The following SORT1 variants were observed in gnomAD, a reference collection of about 807,000 sequenced individuals.
The protein encoded by SORT1 is sortilin.
SORT1 carries 39 observed loss-of-function variants against 101.7 expected under a neutral mutation model. The observed-to-expected ratio is 0.38, with a 90% CI of 0.30 to 0.50. SORT1 has a LOEUF of 0.50. Ranked by LOEUF, SORT1 falls within the 20% of genes least tolerant of loss-of-function variation. The probability of loss-of-function intolerance (pLI) is 0.90; values close to 1 mark genes in which losing one functional copy is unlikely to be tolerated. For missense variants in SORT1, 878 were observed against 1,040.4 expected (o/e 0.84, Z 2.15); for synonymous variants, 396 against 393.7 (o/e 1.01, Z -0.07).
At chr1:109,382,205 A>G (rs1652290244) in intron 1 of SORT1, among the ~76,000 whole-genome samples, 1 of 152,104 alleles carries the variant, frequency 6.6e-6, no homozygotes, top group African/African-American at 2.4e-5. Context: ...GCATGATCTC[A>G]GCTCACTGCA....
intron 9 of SORT1, among the ~76,000 whole-genome samples, chr1:109,341,663 T>G (rs1174576646): frequency 6.6e-6 from 1 of 152,094 alleles, no homozygotes; most frequent in East Asian, 1.9e-4. Flanking sequence ...ACCCCTAATT[T>G]TTTGTCATTA....
intron 1 of SORT1, chr1:109,397,308 A>G (rs1653242662): frequency 6.5e-6 from 1 of 154,548 alleles, no homozygotes. Flanking sequence ...TTATTTATAC[A>G]GACGAAAAAC....
chr1:109,395,370 G>A (rs1408440939), intron 1 of SORT1, among the ~76,000 whole-genome samples: 1 of 151,726 alleles, frequency 6.6e-6, no homozygotes, highest in Non-Finnish European at 1.5e-5. Flanking sequence ...ACAGGCGCAT[G>A]CCACCGCGTC....
chr1:109,341,458 T>C (rs1333181173), intron 9 of SORT1, among the ~76,000 whole-genome samples: 2 of 152,094 alleles, frequency 1.3e-5, no homozygotes, highest in Admixed American at 1.3e-4. Context: ...GCCATTCTCC[T>C]GCCTCAGCCT....
rs1166570516 is a variant in SORT1, at chr1:109,326,428, A to AATATATATATAT, written c.1643+552_1643+563dup. Among the ~76,000 whole-genome samples, 119 of 70,874 alleles carry AATATATATATAT rather than the reference A, an allele frequency of 1.7e-3. 1 individual carries two copies. The highest frequency in any genetic ancestry group is 6.0e-3 in the African/African-American group (102 of 17,030). 46.5% of individuals were successfully genotyped at this position (70,874 alleles called of 152,430 possible). A position where few individuals can be genotyped will look rare whatever the true frequency, so the allele number is the denominator to read the frequency against. On this transcript the variant is annotated intron_variant, in intron 13 of 19. Coordinates refer to ENST00000256637, the MANE Select transcript of SORT1 (RefSeq NM_002959.7). ...CCATAATAATTTTGTAGACAGAAAG[A>AATATATATATAT]ATATATATATATATATATATATATA... is the stretch of plus-strand genomic sequence containing the variant.
rs577892807 is a variant in SORT1, at chr1:109,350,877, G to T, written c.782+52C>A. 3 of 1,166,294 alleles carry T rather than the reference G, an allele frequency of 2.6e-6. No homozygotes were observed. The South Asian group carries it at 3.7e-5, about 14-fold the overall frequency. 72.2% of individuals were successfully genotyped at this position (1,166,294 alleles called of 1,614,324 possible). A position where few individuals can be genotyped will look rare whatever the true frequency, so the allele number is the denominator to read the frequency against. On this transcript the variant is annotated intron_variant, in intron 6 of 19. Coordinates refer to ENST00000256637, the MANE Select transcript of SORT1 (RefSeq NM_002959.7). ...ATTTATTCATGTGATTTTTGGCAGC[G>T]CTATCAGGAAGGGTTTAGGGCTCTG...
At chr1:109,377,974 G>A (rs751204112) in intron 1 of SORT1, among the ~76,000 whole-genome samples, 1 of 152,170 alleles carries the variant, frequency 6.6e-6, no homozygotes, top group Non-Finnish European at 1.5e-5. Context: ...GTTCATGCCT[G>A]TAATCCCAGC....
chr1:109,372,898 C>CAAA (rs34712891), intron 1 of SORT1, among the ~76,000 whole-genome samples: 2 of 98,328 alleles, frequency 2.0e-5, no homozygotes, highest in African/African-American at 3.7e-5. Flanking sequence ...GGCTCCGTCT[C>CAAA]AAAAAAAAAA....
intron 1 of SORT1, among the ~76,000 whole-genome samples, chr1:109,375,058 T>TA (rs1651738782): frequency 6.6e-6 from 1 of 152,126 alleles, no homozygotes. Context: ...CAACAGAAAC[T>TA]ATCCAAAGTG....
chr1:109,395,839 C>T (rs1196218859), intron 1 of SORT1, among the ~76,000 whole-genome samples: 5 of 152,074 alleles, frequency 3.3e-5, no homozygotes, highest in Non-Finnish European at 7.4e-5. Context: ...CTGTGGCAGG[C>T]TAAGGTGGGT....
intron 17 of SORT1, among the ~76,000 whole-genome samples, 164 bp downstream of exon 17, chr1:109,316,686 T>C (rs758993984): frequency 1.3e-5 from 2 of 152,266 alleles, no homozygotes; most frequent in Admixed American, 1.3e-4. Flanking sequence ...CTGGGTTACA[T>C]GACCCATCCT....
chr1:109,333,582 G>C (rs1648600990), intron 11 of SORT1, among the ~76,000 whole-genome samples: 1 of 151,942 alleles, frequency 6.6e-6, no homozygotes, highest in African/African-American at 2.4e-5. Context: ...CTAAAAAATG[G>C]GCAAAGGACC....
At chr1:109,370,264 G>T (rs1651405439) in intron 1 of SORT1, among the ~76,000 whole-genome samples, 2 of 151,956 alleles carry the variant, frequency 1.3e-5, no homozygotes, top group African/African-American at 2.4e-5. Context: ...CATTGTAGGT[G>T]GTTTTGGGTT....
intron 1 of SORT1, among the ~76,000 whole-genome samples, chr1:109,376,515 T>C (rs1054992310): frequency 3.2e-4 from 44 of 139,382 alleles, no homozygotes; most frequent in African/African-American, 9.9e-4. Flanking sequence ...CAGCAGTGGA[T>C]TGGATAAAGA....
intron 3 of SORT1, among the ~76,000 whole-genome samples, chr1:109,364,314 G>A (rs752215338): frequency 8.1e-4 from 123 of 152,142 alleles, no homozygotes; most frequent in Admixed American, 1.9e-3. Flanking sequence ...TTAAGTTGTT[G>A]AGGCATTAGG....
intron 4 of SORT1, 101 bp from the exon 5 acceptor site, chr1:109,354,632 G>A (rs1650188553): frequency 3.5e-6 from 3 of 863,418 alleles, no homozygotes; most frequent in South Asian, 1.8e-5. Context: ...AGAAATTTTA[G>A]TTCTAGAAAT....
chr1:109,342,021 T>C lies in SORT1; in HGVS notation c.1101A>G (p.Glu367=). The C allele has an allele frequency of 6.2e-7, 1 of 1,613,592 alleles. No homozygotes were observed. Among genetic ancestry groups the C allele is most frequent in the Non-Finnish European group, 8.5e-7 (1 of 1,179,868 alleles). Residue 367 remains glutamate (E), a synonymous_variant, in exon 9 of 20, where the codon GAA becomes GAG. Coordinates refer to ENST00000256637, the MANE Select transcript of SORT1 (RefSeq NM_002959.7). ...NDDMVFMHVD[E]PGDTGFGTIF... ...CCACTAAAAAGCTCTTACCTCCAGG[T>C]TCATCTACATGCATGAATACCATGT...
At chr1:109,334,221 T>C (rs991224940) in intron 11 of SORT1, among the ~76,000 whole-genome samples, 1 of 152,090 alleles carries the variant, frequency 6.6e-6, no homozygotes, top group African/African-American at 2.4e-5. Flanking sequence ...TCAAGAGAAA[T>C]GAAATCGGTA....
In SORT1 at chr1:109,311,738, G is replaced by C. The variant is rs1658741221; in HGVS notation, c.*2305C>G. The C allele has an allele frequency of 6.6e-6, 1 of 152,258 alleles. No homozygotes were observed. Among genetic ancestry groups the C allele is most frequent in the Admixed American group, 6.5e-5 (1 of 15,288 alleles). The allele number at this position is 152,258 out of a possible 1,614,324, so 9.4% of individuals were successfully genotyped here. A position where few individuals can be genotyped will look rare whatever the true frequency, so the allele number is the denominator to read the frequency against. On this transcript the variant is annotated 3_prime_UTR_variant, in exon 20 of 20. Coordinates refer to ENST00000256637, the MANE Select transcript of SORT1 (RefSeq NM_002959.7). ...TTTCTGTTCACCAAGGTGGCAAAAA[G>C]GTGCTAAATACTGCTAGGAAACAAA...
Sources: allele counts gnomAD v4.1 joint callset (sites outside exome capture counted in the v4.1 genomes callset), GRCh38; gene constraint gnomAD v4.1.1; transcripts MANE v1.5; gene names NCBI Gene and HGNC (gene_info 2026-07-23, HGNC 2026-07-21).